Variants in CWF19L2 observed in about 807,000 individuals in gnomAD.
CWF19L2 encodes CWF19 like cell cycle control factor 2.
In CWF19L2, 98 loss-of-function variants were observed where a neutral mutation model predicts 111.7. That is an observed-to-expected ratio of 0.88 (90% confidence interval 0.75 to 1.04). The LOEUF (loss-of-function observed/expected upper bound fraction) is 1.04, where lower values mean the gene tolerates loss of function less well. Ranked by LOEUF, CWF19L2 falls within the 50% of genes least tolerant of loss-of-function variation. The pLI is 0.00. For synonymous variants in CWF19L2, 351 were observed against 342.9 expected (o/e 1.02, Z -0.26); for missense variants, 1,101 against 1,051.4 (o/e 1.05, Z -0.65).
intron 1 of CWF19L2, among the ~76,000 whole-genome samples, chr11:107,456,256 T>C (rs1861853256): frequency 1.3e-5 from 2 of 152,238 alleles, no homozygotes; most frequent in Admixed American, 6.5e-5. Flanking sequence ...TTTTTATCCA[T>C]TCTTCAATGA....
chr11:107,326,818 G>T lies in CWF19L2; in HGVS notation c.*92C>A. 1.8e-6 allele frequency: 2 copies of T among 1,089,310 alleles called. No individual in the cohort carries two copies. Among genetic ancestry groups the T allele is most frequent in the Non-Finnish European group, 1.3e-6 (1 of 764,462 alleles). The allele number at this position is 1,089,310 out of a possible 1,614,324, so 67.5% of individuals were successfully genotyped here. On this transcript the variant is annotated 3_prime_UTR_variant, in exon 18 of 18. Coordinates refer to ENST00000282251, the MANE Select transcript of CWF19L2 (RefSeq NM_152434.3). ...GCAGTCTGCTGCTGTGACTCTCTCT[G>T]CCTGTGACCTGAGGGTCAGTTGCTT...
chr11:107,443,632 C>T (rs1053051675), intron 3 of CWF19L2, among the ~76,000 whole-genome samples: 1 of 146,640 alleles, frequency 6.8e-6, no homozygotes, highest in Non-Finnish European at 1.5e-5. Context: ...AAGTAGAGAC[C>T]TCACTTCAGC....
chr11:107,351,960 T>A lies in CWF19L2; in HGVS notation c.2085+1564A>T, dbSNP rs79283166. Among the ~76,000 whole-genome samples the A allele has an allele frequency of 2.7e-3, 407 of 152,330 alleles. 15 individuals carry two copies. The East Asian group carries it at 0.069, about 26-fold the overall frequency. ...TAAATTTTGGTGTAGTTCATTTATG[T>A]ATGAATGCTAGTATATCTCCTCTTC... is the stretch of plus-strand genomic sequence containing the variant. On this transcript the variant is annotated intron_variant, in intron 13 of 17. Transcript: ENST00000282251.
chr11:107,327,440 G>C (rs1243790890), intron 17 of CWF19L2, among the ~76,000 whole-genome samples: 1 of 152,134 alleles, frequency 6.6e-6, no homozygotes, highest in Admixed American at 6.6e-5. Context: ...CTGCTCAACT[G>C]CAGTTGAATC....
chr11:107,381,806 C>T (rs373583447), intron 12 of CWF19L2, among the ~76,000 whole-genome samples: 3 of 151,908 alleles, frequency 2.0e-5, no homozygotes, highest in African/African-American at 4.8e-5. Context: ...AGACTACTTC[C>T]GGGGAAAATA....
chr11:107,444,155 T>C (rs1206163368), intron 3 of CWF19L2, among the ~76,000 whole-genome samples: 4 of 151,584 alleles, frequency 2.6e-5, no homozygotes, highest in African/African-American at 9.7e-5. Context: ...ATATTCCTCC[T>C]CTAGCAGGAA....
At chr11:107,336,176 A>T (rs1205770411) in intron 15 of CWF19L2, among the ~76,000 whole-genome samples, 1 of 151,850 alleles carries the variant, frequency 6.6e-6, no homozygotes, top group Non-Finnish European at 1.5e-5. Context: ...AGCCAAGATC[A>T]GGCTCTGTCA....
chr11:107,440,524 T>A (rs927478210), intron 5 of CWF19L2, among the ~76,000 whole-genome samples: 10 of 152,164 alleles, frequency 6.6e-5, no homozygotes, highest in Non-Finnish European at 1.0e-4. Flanking sequence ...TCTTTCAATA[T>A]CTATAGTCAA....
chr11:107,401,398 T>C (rs1366938571), intron 10 of CWF19L2, among the ~76,000 whole-genome samples: 1 of 152,048 alleles, frequency 6.6e-6, no homozygotes, highest in East Asian at 1.9e-4. Flanking sequence ...GTACCACAAA[T>C]CAGTAGCTCT....
At chr11:107,445,470 G>A (rs935658695) in intron 3 of CWF19L2, among the ~76,000 whole-genome samples, 3 of 152,066 alleles carry the variant, frequency 2.0e-5, no homozygotes, top group African/African-American at 7.2e-5. Flanking sequence ...CAGATGTGGT[G>A]GCGCATGCCT....
At chr11:107,436,239 T>A (rs1861540517) in intron 6 of CWF19L2, among the ~76,000 whole-genome samples, 1 of 151,770 alleles carries the variant, frequency 6.6e-6, no homozygotes, top group African/African-American at 2.4e-5. Context: ...AGGTCCTCTA[T>A]GCTGAGAAAA....
intron 12 of CWF19L2, 111 bp downstream of exon 12, chr11:107,389,963 A>T: frequency 2.2e-6 from 2 of 903,718 alleles, no homozygotes; most frequent in Non-Finnish European, 3.3e-6. Flanking sequence ...GATTTAATTT[A>T]ATAAAATGAA....
At position 107,416,302 on chromosome 11, in the gene CWF19L2, C is replaced by T; in HGVS notation, c.1528-4G>A. 1 of 1,360,178 alleles carries T rather than the reference C, an allele frequency of 7.4e-7. No individual in the cohort carries two copies. Among genetic ancestry groups the T allele is most frequent in the Non-Finnish European group, 9.9e-7 (1 of 1,010,570 alleles). The allele number at this position is 1,360,178 out of a possible 1,614,324, so 84.3% of individuals were successfully genotyped here. On this transcript the variant is annotated splice_polypyrimidine_tract_variant and splice_region_variant and intron_variant, in intron 9 of 17. Transcript: ENST00000282251. ...CTTTAAGTTGTTCAGCTAATTCCTT[C>T]AAAAAGAAAAACAAGTAAAATATGT...
chr11:107,414,171 T>C (rs1364262427), intron 10 of CWF19L2, among the ~76,000 whole-genome samples: 1 of 152,004 alleles, frequency 6.6e-6, no homozygotes, highest in Non-Finnish European at 1.5e-5. Context: ...GGGGAGGATT[T>C]TGTTTTTAGT....
Position 107,455,784 on chromosome 11 carries a change from C to CA in CWF19L2, c.106-9dup. The CA allele has an allele frequency of 7.3e-6, 11 of 1,505,852 alleles. No individual in the cohort carries two copies. Among genetic ancestry groups the CA allele is most frequent in the Admixed American group, 4.5e-5 (2 of 44,862 alleles). The allele number at this position is 1,505,852 out of a possible 1,614,324, so 93.3% of individuals were successfully genotyped here. On this transcript the variant is annotated splice_polypyrimidine_tract_variant and intron_variant, in intron 1 of 17. Coordinates refer to ENST00000282251, the MANE Select transcript of CWF19L2 (RefSeq NM_152434.3). ...TTCAAAATTGGCTTTAGCCTACAAC[C>CA]AAAGAAAAAAAAAAGACAAACTGGC...
At chr11:107,403,413 C>G (rs1243183238) in intron 10 of CWF19L2, 1 of 751,114 alleles carries the variant, frequency 1.3e-6, no homozygotes, top group South Asian at 1.4e-5. Flanking sequence ...TCTTTTTTCT[C>G]ATCTTCTGGT....
intron 8 of CWF19L2, 52 bp from the exon 9 acceptor site, chr11:107,418,339 C>CTCA: frequency 9.0e-7 from 1 of 1,108,774 alleles, no homozygotes; most frequent in Non-Finnish European, 1.4e-6. Context: ...GCGATGCAAG[C>CTCA]AATAACATCA....
At chr11:107,427,044 G>A (rs892346266) in intron 8 of CWF19L2, among the ~76,000 whole-genome samples, 4 of 151,860 alleles carry the variant, frequency 2.6e-5, no homozygotes, top group Non-Finnish European at 5.9e-5. Flanking sequence ...TAATACTGGT[G>A]TAAATAACAA....
intron 10 of CWF19L2, among the ~76,000 whole-genome samples, chr11:107,407,568 G>T (rs908963557): frequency 2.0e-5 from 3 of 151,984 alleles, no homozygotes; most frequent in Non-Finnish European, 2.9e-5. Context: ...AATGCTAATA[G>T]TAGAGTTAGT....
Sources: allele counts gnomAD v4.1 joint callset (sites outside exome capture counted in the v4.1 genomes callset), GRCh38; gene constraint gnomAD v4.1.1; transcripts MANE v1.5; gene names NCBI Gene and HGNC (gene_info 2026-07-23, HGNC 2026-07-21).